RIMS1: variants seen among roughly 807,000 people sequenced by gnomAD.
RIMS1 encodes regulating synaptic membrane exocytosis protein 1.
In RIMS1, 83 loss-of-function variants were observed where a neutral mutation model predicts 214.1. That is an observed-to-expected ratio of 0.39 (90% CI 0.32 to 0.47). The LOEUF is 0.47. Among genes scored for constraint, RIMS1 ranks in the 20% least tolerant of loss-of-function variants. RIMS1 has a pLI of 0.99. For synonymous variants in RIMS1, 793 were observed against 786.8 expected, an observed-to-expected ratio of 1.01 and a Z score of -0.13; for missense variants, 2,050 against 2,161.8, an observed-to-expected ratio of 0.95 and a Z score of 1.03.
At chr6:72,292,141 T>C in intron 26 of RIMS1, 95 bp downstream of exon 26, 1 of 779,016 alleles carries the variant, frequency 1.3e-6, no homozygotes, top group East Asian at 2.7e-5. Context: ...ATTTTGATTA[T>C]ATGTAGTTTG....
chr6:72,208,795 C>T (rs1470665280), intron 6 of RIMS1, among the ~76,000 whole-genome samples: 3 of 152,174 alleles, frequency 2.0e-5, no homozygotes, highest in South Asian at 2.1e-4. Flanking sequence ...AACGTCTTCT[C>T]TCCAAATATC....
intron 2 of RIMS1, among the ~76,000 whole-genome samples, chr6:72,068,189 A>G (rs138477956): frequency 4.2e-4 from 64 of 152,324 alleles, no homozygotes; most frequent in African/African-American, 1.5e-3. Context: ...ATACTAGAAA[A>G]TGTTGTAATA....
At chr6:72,375,743 G>A (rs1389285391) in intron 29 of RIMS1, among the ~76,000 whole-genome samples, 1 of 152,204 alleles carries the variant, frequency 6.6e-6, no homozygotes, top group African/African-American at 2.4e-5. Flanking sequence ...CCCAAACCTG[G>A]ATTGGATTTG....
At chr6:72,054,723 C>A (rs1317287621) in intron 2 of RIMS1, among the ~76,000 whole-genome samples, 2 of 152,090 alleles carry the variant, frequency 1.3e-5, no homozygotes, top group African/African-American at 4.8e-5. Context: ...TAAATGTCTT[C>A]TTTTGAGAAG....
intron 29 of RIMS1, among the ~76,000 whole-genome samples, chr6:72,343,453 A>G (rs2097159981): frequency 6.7e-6 from 1 of 149,888 alleles, no homozygotes; most frequent in African/African-American, 2.4e-5. Flanking sequence ...CAAGGAAATA[A>G]GAAAATCTTA....
intron 1 of RIMS1, among the ~76,000 whole-genome samples, chr6:71,965,264 T>C (rs975467009): frequency 1.3e-5 from 2 of 152,146 alleles, no homozygotes; most frequent in East Asian, 1.9e-4. Context: ...AAAGTTCAAA[T>C]TCAGATAAAG....
intron 4 of RIMS1, among the ~76,000 whole-genome samples, chr6:72,178,526 G>C (rs1160915893): frequency 7.2e-5 from 11 of 152,186 alleles, no homozygotes; most frequent in Non-Finnish European, 1.6e-4. Context: ...AGGAAGCCTA[G>C]AGTTTGGTAA....
intron 6 of RIMS1, among the ~76,000 whole-genome samples, chr6:72,189,740 C>T (rs1304440348): frequency 6.6e-6 from 1 of 152,236 alleles, no homozygotes; most frequent in Non-Finnish European, 1.5e-5. Flanking sequence ...TGCGTAACCT[C>T]CATTCCTGCC....
At chr6:72,007,428 CA>C (rs1808219835) in intron 2 of RIMS1, among the ~76,000 whole-genome samples, 1 of 152,200 alleles carries the variant, frequency 6.6e-6, no homozygotes, top group African/African-American at 2.4e-5. Flanking sequence ...TCTCCTCCTC[CA>C]AAGGAATGCA....
In RIMS1 at chr6:72,116,256, C is replaced by G. The variant is rs566747052; in HGVS notation, c.471+16270C>G. On this transcript the variant is annotated intron_variant, in intron 4 of 33. Coordinates refer to ENST00000521978, the MANE Select transcript of RIMS1 (RefSeq NM_014989.7). Reference sequence around the variant, plus strand: ...AGTTCTCTTACTGTTTGGCTTAGACCATGGTGAGCTTTATTAGGTTGGTAA... The same window carrying G: ...AGTTCTCTTACTGTTTGGCTTAGACGATGGTGAGCTTTATTAGGTTGGTAA... Among the ~76,000 whole-genome samples the G allele has an allele frequency of 2.6e-5, 4 of 152,002 alleles. No homozygotes were observed. In the Middle Eastern group the frequency reaches 0.014, roughly 517 times the overall value.
At chr6:72,311,175 T>G (rs1049628832) in intron 27 of RIMS1, among the ~76,000 whole-genome samples, 5 of 152,210 alleles carry the variant, frequency 3.3e-5, no homozygotes, top group African/African-American at 1.2e-4. Flanking sequence ...AGGGATTATT[T>G]CATATTCTGT....
intron 1 of RIMS1, among the ~76,000 whole-genome samples, chr6:71,947,427 G>C (rs1047181503): frequency 6.6e-6 from 1 of 152,050 alleles, no homozygotes; most frequent in Non-Finnish European, 1.5e-5. Flanking sequence ...AGAACATTAT[G>C]CTAATTGAAA....
At chr6:72,392,083 T>A (rs557480844) in intron 30 of RIMS1, among the ~76,000 whole-genome samples, 1 of 152,342 alleles carries the variant, frequency 6.6e-6, no homozygotes, top group African/African-American at 2.4e-5. Context: ...ATAGTTGTCA[T>A]TACCCAGTGA....
At chr6:72,157,137 G>T (rs568595690) in intron 4 of RIMS1, among the ~76,000 whole-genome samples, 1 of 140,808 alleles carries the variant, frequency 7.1e-6, no homozygotes, top group African/African-American at 2.4e-5. Flanking sequence ...TTTGTCTTCA[G>T]AATGTCCATG....
chr6:72,151,865 G>A (rs1259727955), intron 4 of RIMS1, among the ~76,000 whole-genome samples: 1 of 152,212 alleles, frequency 6.6e-6, no homozygotes, highest in African/African-American at 2.4e-5. Flanking sequence ...GTACAGAAGT[G>A]TGGTGTCATA....
At chr6:72,029,180 G>A (rs370530702) in intron 2 of RIMS1, among the ~76,000 whole-genome samples, 30 of 152,104 alleles carry the variant, frequency 2.0e-4, no homozygotes, top group East Asian at 1.2e-3. Context: ...TGCATTTTAC[G>A]TACCAAAGTC....
chr6:72,329,550 A>G (rs1030098837), intron 28 of RIMS1, among the ~76,000 whole-genome samples: 4 of 151,614 alleles, frequency 2.6e-5, no homozygotes, highest in Middle Eastern at 3.4e-3. Context: ...TTTTTTTCAA[A>G]TTAACATCTA....
chr6:71,943,181 A>G (rs2151035028), intron 1 of RIMS1, among the ~76,000 whole-genome samples: 2 of 152,290 alleles, frequency 1.3e-5, no homozygotes, highest in Non-Finnish European at 1.5e-5. Flanking sequence ...TGTAGCTTGA[A>G]CTATTTTTAG....
chr6:72,236,560 A>G (rs995519620), intron 8 of RIMS1, among the ~76,000 whole-genome samples: 2 of 152,168 alleles, frequency 1.3e-5, no homozygotes, highest in Non-Finnish European at 2.9e-5. Context: ...AAGAAAAATG[A>G]ATTTTAATGT....
Sources: allele counts gnomAD v4.1 joint callset (sites outside exome capture counted in the v4.1 genomes callset), GRCh38; gene constraint gnomAD v4.1.1; transcripts MANE v1.5; gene names NCBI Gene and HGNC (gene_info 2026-07-23, HGNC 2026-07-21).